EEA1: variants seen among roughly 807,000 people sequenced by gnomAD.
EEA1 encodes the protein early endosome antigen 1, 162kD.
A neutral mutation model predicts 209.2 loss-of-function variants in EEA1; 111 were observed. That is an observed-to-expected ratio of 0.53 (90% CI 0.45 to 0.62). EEA1 has a LOEUF of 0.62. Among genes scored for constraint, EEA1 ranks in the 20% least tolerant of loss-of-function variants. The pLI is 0.00. For synonymous variants in EEA1, 536 were observed against 540.6 expected, an observed-to-expected ratio of 0.99 and a Z score of 0.12; for missense variants, 1,343 against 1,530.8, an observed-to-expected ratio of 0.88 and a Z score of 2.05.
At chr12:92,887,418 G>A (rs929380412) in intron 2 of EEA1, among the ~76,000 whole-genome samples, 3 of 152,112 alleles carry the variant, frequency 2.0e-5, no homozygotes, top group African/African-American at 7.2e-5. Flanking sequence ...GCTGAGGCAG[G>A]AAGACTGTTT....
chr12:92,807,521 G>A (rs1232187986), intron 18 of EEA1, among the ~76,000 whole-genome samples: 1 of 152,106 alleles, frequency 6.6e-6, no homozygotes, highest in Non-Finnish European at 1.5e-5. Context: ...TAACATGAAT[G>A]TCTAGTTAGA....
intron 18 of EEA1, among the ~76,000 whole-genome samples, chr12:92,808,746 C>T (rs1260574652): frequency 1.3e-5 from 2 of 151,990 alleles, no homozygotes; most frequent in African/African-American, 4.8e-5. Flanking sequence ...AAGGTTTATG[C>T]CAGAGAAATG....
At chr12:92,926,998 T>G (rs913306182) in intron 1 of EEA1, among the ~76,000 whole-genome samples, 4 of 152,216 alleles carry the variant, frequency 2.6e-5, no homozygotes, top group African/African-American at 4.8e-5. Context: ...CCCCTTAGCA[T>G]GAAGCCTGGC....
intron 1 of EEA1, among the ~76,000 whole-genome samples, chr12:92,924,799 G>C (rs1881142061): frequency 7.5e-6 from 1 of 133,950 alleles, no homozygotes; most frequent in Non-Finnish European, 1.5e-5. Context: ...TTCTAGTCCT[G>C]GTTCTTTAAT....
rs1179319930 is a variant in EEA1, at chr12:92,771,029, A to G, written c.*4982T>C. 1 of 129,316 alleles carries G rather than the reference A, an allele frequency of 7.7e-6. No individual in the cohort carries two copies. Among genetic ancestry groups the G allele is most frequent in the Non-Finnish European group, 1.7e-5 (1 of 58,096 alleles). The allele number at this position is 129,316 out of a possible 1,614,324, so 8.0% of individuals were successfully genotyped here. ...TGTGTGTGTGTGTGTGTGTTAGCACAGTACAGTCACTTAATTTTATTTGGC... is the reference window on the plus strand; with the variant it reads ...TGTGTGTGTGTGTGTGTGTTAGCACGGTACAGTCACTTAATTTTATTTGGC... On this transcript the variant is annotated 3_prime_UTR_variant, in exon 29 of 29. Coordinates refer to ENST00000322349, the MANE Select transcript of EEA1 (RefSeq NM_003566.4).
intron 2 of EEA1, among the ~76,000 whole-genome samples, chr12:92,870,140 C>G (rs952288363): frequency 2.6e-5 from 4 of 152,014 alleles, no homozygotes; most frequent in African/African-American, 9.7e-5. Context: ...CCTTATTCAC[C>G]TATTATCTCC....
chr12:92,809,171 T>C lies in EEA1; in HGVS notation c.2200-15A>G. 2 of 1,538,618 alleles carry C rather than the reference T, an allele frequency of 1.3e-6. No homozygotes were observed. Among genetic ancestry groups the C allele is most frequent in the South Asian group, 1.3e-5 (1 of 76,396 alleles). On this transcript the variant is annotated splice_polypyrimidine_tract_variant and intron_variant, in intron 17 of 28. Transcript: ENST00000322349. ...GCTTCTAGTTTCTATGAAAGAAATA[T>C]GATATGGCAGCCATTTTAATATTAG...
intron 2 of EEA1, among the ~76,000 whole-genome samples, chr12:92,881,151 C>A (rs754351371): frequency 2.0e-5 from 3 of 152,094 alleles, no homozygotes. Flanking sequence ...TGCCTGTAAT[C>A]CCAGCACTTT....
At chr12:92,829,157 C>T (rs1033215836) in intron 11 of EEA1, among the ~76,000 whole-genome samples, 2 of 151,958 alleles carry the variant, frequency 1.3e-5, no homozygotes, top group Non-Finnish European at 2.9e-5. Context: ...AAAGCATAAA[C>T]GCAGCCAGGC....
At chr12:92,813,210 A>T in intron 15 of EEA1, 117 bp from the exon 16 acceptor site, 1 of 554,606 alleles carries the variant, frequency 1.8e-6, no homozygotes, top group East Asian at 3.1e-5. Flanking sequence ...CTTGGCAAAA[A>T]CATATGGATT....
chr12:92,857,556 T>C lies in EEA1; in HGVS notation c.246-71A>G, dbSNP rs201190478. The C allele has an allele frequency of 3.9e-5, 37 of 949,024 alleles. No homozygotes were observed. In the East Asian group the frequency reaches 6.9e-4, roughly 18 times the overall value. 58.8% of individuals were successfully genotyped at this position (949,024 alleles called of 1,614,324 possible). On this transcript the variant is annotated intron_variant, in intron 3 of 28. Transcript: ENST00000322349. ...TTAACAAACTGGTCTTAAGAAATCA[T>C]GGCTAGTAATTGTATATTAATATTA...
At chr12:92,904,453 TC>T (rs761177454) in intron 1 of EEA1, among the ~76,000 whole-genome samples, 29 of 152,150 alleles carry the variant, frequency 1.9e-4, no homozygotes, top group Non-Finnish European at 4.0e-4. Flanking sequence ...CCACACCAAT[TC>T]TCTGCAGCCA....
At chr12:92,831,599 CATA>C (rs1876639793) in intron 11 of EEA1, among the ~76,000 whole-genome samples, 1 of 143,190 alleles carries the variant, frequency 7.0e-6, no homozygotes, top group African/African-American at 2.5e-5. Context: ...ATATATATTT[CATA>C]AATATATAAA....
chr12:92,920,439 C>T (rs1280745340), intron 1 of EEA1, among the ~76,000 whole-genome samples: 8 of 144,638 alleles, frequency 5.5e-5, no homozygotes, highest in Non-Finnish European at 9.0e-5. Flanking sequence ...TCAGAAATAA[C>T]GCCGCATACC....
chr12:92,865,321 T>C (rs1337858287), intron 2 of EEA1, among the ~76,000 whole-genome samples: 2 of 151,582 alleles, frequency 1.3e-5, no homozygotes, highest in East Asian at 3.9e-4. Flanking sequence ...TTCCTTTCTC[T>C]AGCTATCCTC....
intron 1 of EEA1, among the ~76,000 whole-genome samples, chr12:92,896,716 G>T (rs564392608): frequency 2.0e-5 from 3 of 151,772 alleles, no homozygotes; most frequent in African/African-American, 7.3e-5. Context: ...CAGGAGAATC[G>T]CTTGAATCCG....
chr12:92,816,927 TTGAAAAGCATAC>T (rs1875818517), intron 14 of EEA1, among the ~76,000 whole-genome samples: 1 of 151,434 alleles, frequency 6.6e-6, no homozygotes, highest in African/African-American at 2.5e-5. Context: ...ATGGTATCTT[TTGAAAAGCATAC>T]TTTTTTTTAA....
chr12:92,881,572 G>A (rs1879145287), intron 2 of EEA1, among the ~76,000 whole-genome samples: 1 of 152,172 alleles, frequency 6.6e-6, no homozygotes, highest in South Asian at 2.1e-4. Context: ...TGCGTTATTA[G>A]ACAGCAAGAG....
intron 9 of EEA1, among the ~76,000 whole-genome samples, chr12:92,846,246 C>T (rs1877384023): frequency 6.6e-6 from 1 of 151,974 alleles, no homozygotes; most frequent in South Asian, 2.1e-4. Flanking sequence ...TAAAAAGCCT[C>T]CCAAAATCAC....
Sources: gnomAD v4.1 joint callset for allele counts (sites outside exome capture counted in the v4.1 genomes callset) on GRCh38, gnomAD v4.1.1 for gene constraint, MANE v1.5 for transcripts, NCBI Gene and HGNC (gene_info 2026-07-23, HGNC 2026-07-21) for gene names.